Variants in LARGE1 observed in about 807,000 individuals in gnomAD.
LARGE1 encodes the protein xylosyl- and glucuronyltransferase LARGE1.
In LARGE1, 43 loss-of-function variants were observed where a neutral mutation model predicts 87.6. The observed-to-expected ratio is 0.49, with a 90% CI of 0.38 to 0.63. The LOEUF (loss-of-function observed/expected upper bound fraction) is 0.63. Ranked by LOEUF, LARGE1 falls within the 30% of genes least tolerant of loss-of-function variation. The probability of loss-of-function intolerance (pLI) is 0.00; values close to 1 mark genes in which losing one functional copy is unlikely to be tolerated. For missense variants in LARGE1, 802 were observed against 1,000.2 expected (o/e 0.80, Z 2.67); for synonymous variants, 434 against 394.6 (o/e 1.10, Z -1.18).
chr22:33,185,619 G>C (rs1923432542), intron 11 of LARGE1, among the ~76,000 whole-genome samples: 1 of 152,144 alleles, frequency 6.6e-6, no homozygotes, highest in African/African-American at 2.4e-5. Context: ...CGTGGCATGA[G>C]ATCTTGAGAG....
At chr22:33,133,214 G>A in the LARGE1 span, among the ~76,000 whole-genome samples, 1 of 151,942 alleles carries the variant, frequency 6.6e-6, no homozygotes, top group African/African-American at 2.4e-5. Flanking sequence ...AAGTTCTGGG[G>A]TATATGTGCA....
At chr22:33,381,790 C>T (rs914259337) in intron 9 of LARGE1, 129 bp downstream of exon 9, 4 of 1,234,492 alleles carry the variant, frequency 3.2e-6, no homozygotes, top group Non-Finnish European at 3.5e-6. Context: ...AAAGCATACT[C>T]ATTCTGCTCT....
the LARGE1 span, among the ~76,000 whole-genome samples, chr22:33,077,889 C>T: frequency 5.3e-5 from 8 of 151,736 alleles, no homozygotes; most frequent in Non-Finnish European, 8.8e-5. Flanking sequence ...GTATAATAAT[C>T]TGTAGTTCAT....
the LARGE1 span, among the ~76,000 whole-genome samples, chr22:33,140,514 C>A: frequency 2.0e-5 from 3 of 152,188 alleles, no homozygotes; most frequent in Non-Finnish European, 2.9e-5. Context: ...CTGGGAGAGG[C>A]AGACCTACCC....
chr22:33,825,016 G>A, intron 1 of LARGE1, among the ~76,000 whole-genome samples: 1 of 152,146 alleles, frequency 6.6e-6, no homozygotes, highest in East Asian at 1.9e-4. Context: ...TGCAAGATGA[G>A]GGAAGTGAAT....
chr22:33,401,336 C>G (rs1200774790), intron 7 of LARGE1, among the ~76,000 whole-genome samples: 1 of 152,096 alleles, frequency 6.6e-6, no homozygotes, highest in Admixed American at 6.6e-5. Context: ...AGACGGGTGA[C>G]CAATGTCCAA....
intron 1 of LARGE1, among the ~76,000 whole-genome samples, chr22:33,915,042 C>CACACAGAG (rs144076486): frequency 0.042 from 5,755 of 136,870 alleles, 164 homozygotes; most frequent in Non-Finnish European, 0.06. Flanking sequence ...CACACACACA[C>CACACAGAG]AGAGAGAGAG....
At chr22:33,461,936 T>C (rs1032126887) in intron 6 of LARGE1, among the ~76,000 whole-genome samples, 3 of 152,154 alleles carry the variant, frequency 2.0e-5, no homozygotes, top group Non-Finnish European at 4.4e-5. Flanking sequence ...TGTTGATGTG[T>C]GACTACAGCT....
chr22:33,113,873 CTTT>C, the LARGE1 span, among the ~76,000 whole-genome samples: 6 of 140,354 alleles, frequency 4.3e-5, no homozygotes, highest in Admixed American at 7.1e-5. Context: ...TAGGGATTTT[CTTT>C]TTTTTTTTTT....
At chr22:33,125,950 G>T in the LARGE1 span, among the ~76,000 whole-genome samples, 1 of 152,096 alleles carries the variant, frequency 6.6e-6, no homozygotes, top group African/African-American at 2.4e-5. Flanking sequence ...GTTTCACTGT[G>T]TTGGCGAGGC....
chr22:33,907,744 G>A (rs1019623679), intron 1 of LARGE1, among the ~76,000 whole-genome samples: 4 of 151,984 alleles, frequency 2.6e-5, no homozygotes, highest in East Asian at 3.9e-4. Context: ...ACAGGCGCCC[G>A]CCACCACGCC....
intron 1 of LARGE1, among the ~76,000 whole-genome samples, chr22:33,779,220 A>G (rs548647811): frequency 2.4e-4 from 37 of 152,248 alleles, no homozygotes; most frequent in Non-Finnish European, 4.0e-4. Context: ...AGGTTCTAGA[A>G]CCACACAAGG....
chr22:33,835,976 T>C (rs1169470811), intron 1 of LARGE1, among the ~76,000 whole-genome samples: 1 of 152,210 alleles, frequency 6.6e-6, no homozygotes, highest in Middle Eastern at 3.2e-3. Context: ...TCTGAACCCA[T>C]AAATGGGATT....
chr22:33,505,159 A>G (rs1167632948), intron 6 of LARGE1, among the ~76,000 whole-genome samples: 2 of 152,238 alleles, frequency 1.3e-5, no homozygotes, highest in African/African-American at 4.8e-5. Flanking sequence ...CAGCTTGTCT[A>G]TCTACTGTCC....
chr22:33,471,977 G>C (rs766009630), intron 6 of LARGE1, among the ~76,000 whole-genome samples: 2 of 152,128 alleles, frequency 1.3e-5, no homozygotes, highest in Non-Finnish European at 2.9e-5. Context: ...TTGAACCCGG[G>C]AGGTGGAGGT....
intron 2 of LARGE1, among the ~76,000 whole-genome samples, chr22:33,663,293 G>C (rs1057483374): frequency 5.9e-5 from 9 of 152,152 alleles, no homozygotes; most frequent in Non-Finnish European, 1.3e-4. Context: ...ACTTATTAAG[G>C]TCAAAACCCG....
intron 4 of LARGE1, among the ~76,000 whole-genome samples, chr22:33,610,027 A>T (rs12158897): frequency 1.1e-4 from 16 of 152,292 alleles, no homozygotes; most frequent in African/African-American, 3.9e-4. Flanking sequence ...GAAGCCAAGC[A>T]GATGCTGGTG....
chr22:33,634,943 C>G (rs868630132), intron 3 of LARGE1, among the ~76,000 whole-genome samples: 1 of 151,924 alleles, frequency 6.6e-6, no homozygotes, highest in Non-Finnish European at 1.5e-5. Context: ...ATGGTGAAAC[C>G]ATTTCTACTA....
intron 10 of LARGE1, among the ~76,000 whole-genome samples, chr22:33,320,077 A>C (rs908719662): frequency 2.6e-5 from 4 of 152,218 alleles, no homozygotes; most frequent in African/African-American, 9.6e-5. Flanking sequence ...GTTTAATATA[A>C]GACAAGGAAG....
Sources: gnomAD v4.1 joint callset for allele counts (sites outside exome capture counted in the v4.1 genomes callset) on GRCh38, gnomAD v4.1.1 for gene constraint, MANE v1.5 for transcripts, NCBI Gene and HGNC (gene_info 2026-07-23, HGNC 2026-07-21) for gene names.